Variants in AJAP1 observed in about 807,000 individuals in gnomAD.
AJAP1 encodes adherens junction-associated protein 1.
Under a neutral mutation model 35.0 loss-of-function variants are expected in AJAP1, and 5 were observed. That is an observed-to-expected ratio of 0.14 (90% CI 0.07 to 0.30). AJAP1 has a LOEUF of 0.30. Ranked by LOEUF, AJAP1 falls within the 10% of genes least tolerant of loss-of-function variation. The probability of loss-of-function intolerance (pLI) is 1.00; values close to 1 mark genes in which losing one functional copy is unlikely to be tolerated. For synonymous variants in AJAP1, 284 were observed against 249.3 expected (o/e 1.14, Z -1.31); for missense variants, 586 against 571.0 (o/e 1.03, Z -0.27).
intron 2 of AJAP1, among the ~76,000 whole-genome samples, chr1:4,768,647 G>T (rs1225045663): frequency 6.6e-6 from 1 of 152,228 alleles, no homozygotes. Flanking sequence ...CCAAGATGGA[G>T]CCCCAGGCGG....
intron 2 of AJAP1, among the ~76,000 whole-genome samples, chr1:4,765,580 C>A (rs1641666028): frequency 6.6e-6 from 1 of 152,062 alleles, no homozygotes; most frequent in South Asian, 2.1e-4. Context: ...GTCCTTTCCA[C>A]AGACCAATAA....
rs74878788 is a variant in AJAP1, at chr1:4,702,951, T to A, written c.30-8949T>A. On this transcript the variant is annotated intron_variant, in intron 1 of 5. Transcript: ENST00000378191. The stretch of plus-strand genomic sequence containing the variant: ...AGTAGCCAGAGATTCCGCGATGGGA[T>A]TCAGAAAGCCTTCTTGTGTTCTGGA... Among the ~76,000 whole-genome samples, 408 of 152,284 alleles carry A rather than the reference T, an allele frequency of 2.7e-3. 2 individuals carry two copies. Among genetic ancestry groups the A allele is most frequent in the South Asian group, 0.014 (68 of 4,830 alleles).
rs1253770558 is a variant in AJAP1 at position 4,712,594 on chromosome 1, C to T, written c.724C>T (p.Pro242Ser). Residue 242 changes from proline to serine, a missense_variant, in exon 2 of 6, where the codon CCC becomes TCC. Transcript: ENST00000378191. ...QTKGFTESLD[P>S]RRRIPGGVST... ...TAAGGGGTTCACCGAGTCCTTGGAT[C>T]CCCGGAGAAGGATCCCAGGTGGGGT... 2 of 1,604,278 alleles carry T rather than the reference C, an allele frequency of 1.2e-6. No individual in the cohort carries two copies. The highest frequency in any genetic ancestry group is 1.7e-6 in the Non-Finnish European group (2 of 1,173,864).
chr1:4,707,494 A>G (rs996834801), intron 1 of AJAP1, among the ~76,000 whole-genome samples: 2 of 152,034 alleles, frequency 1.3e-5, no homozygotes, highest in African/African-American at 4.8e-5. Flanking sequence ...CATTTCCTAT[A>G]AACGGAACCG....
chr1:4,691,734 G>A (rs974610521), intron 1 of AJAP1, among the ~76,000 whole-genome samples: 5 of 152,156 alleles, frequency 3.3e-5, no homozygotes, highest in East Asian at 1.9e-4. Context: ...TAGGGCAGGC[G>A]CAAGTGGCAG....
intron 5 of AJAP1, among the ~76,000 whole-genome samples, chr1:4,778,286 A>G (rs540182351): frequency 2.0e-5 from 3 of 152,284 alleles, no homozygotes; most frequent in Non-Finnish European, 4.4e-5. Context: ...TTTTCCAGCC[A>G]TGGGGTCCAG....
At chr1:4,731,837 G>A (rs546773777) in intron 2 of AJAP1, among the ~76,000 whole-genome samples, 9 of 152,130 alleles carry the variant, frequency 5.9e-5, no homozygotes, top group Non-Finnish European at 1.2e-4. Flanking sequence ...CTACCCTTCC[G>A]CCCCTGTCCT....
intron 1 of AJAP1, among the ~76,000 whole-genome samples, chr1:4,691,563 A>G (rs557704965): frequency 8.5e-5 from 13 of 152,074 alleles, no homozygotes; most frequent in Non-Finnish European, 1.8e-4. Flanking sequence ...GTGCCTCTTG[A>G]CCAAAAGCCC....
intron 3 of AJAP1, among the ~76,000 whole-genome samples, chr1:4,770,760 A>G (rs1316235012): frequency 6.6e-6 from 1 of 152,178 alleles, no homozygotes; most frequent in African/African-American, 2.4e-5. Context: ...CAAGAAAGAG[A>G]GAGAAAAAGC....
chr1:4,734,858 AG>A lies in AJAP1; in HGVS notation c.829+22160del, dbSNP rs557603119. Among the ~76,000 whole-genome samples the A allele has an allele frequency of 7.2e-5, 11 of 152,316 alleles. No homozygotes were observed. The East Asian group carries it at 1.9e-3, about 27-fold the overall frequency. On this transcript the variant is annotated intron_variant, in intron 2 of 5. Transcript: ENST00000378191. The surrounding 1 kb of genome is among the most constrained non-coding windows in gnomAD (Gnocchi z 4.3). ...ATCTTCTGCTTCCGAGGCCCGAAAC[AG>A]TGGCGTTTCCTCTTCCCCGAGCACT...
rs567195462 is a variant in AJAP1 at position 4,700,991 on chromosome 1, G to A, written c.30-10909G>A. On this transcript the variant is annotated intron_variant, in intron 1 of 5. Transcript: ENST00000378191. ...TCCCCTCCCAGGGACTGAGAACACTGCCACCCACCGTCCTGCCCACACACT... is the reference window on the plus strand; with the variant it reads ...TCCCCTCCCAGGGACTGAGAACACTACCACCCACCGTCCTGCCCACACACT... Among the ~76,000 whole-genome samples, 15 of 152,312 alleles carry A rather than the reference G, an allele frequency of 9.8e-5. No homozygotes were observed. The East Asian group carries it at 2.5e-3, about 26-fold the overall frequency.
At chr1:4,722,321 C>T (rs558831913) in intron 2 of AJAP1, among the ~76,000 whole-genome samples, 9 of 152,296 alleles carry the variant, frequency 5.9e-5, no homozygotes, top group Admixed American at 5.2e-4. Context: ...AGCGCAGAGG[C>T]GATCCGTGGT....
At chr1:4,686,026 C>G (rs1246815684) in intron 1 of AJAP1, among the ~76,000 whole-genome samples, 1 of 152,226 alleles carries the variant, frequency 6.6e-6, no homozygotes, top group Non-Finnish European at 1.5e-5. Context: ...TAAATCCAAA[C>G]TGCAGGCTTG....
At chr1:4,735,072 A>C (rs10915594) in intron 2 of AJAP1, among the ~76,000 whole-genome samples, 66,127 of 152,100 alleles carry the variant, frequency 0.43, 15,302 homozygotes, top group African/African-American at 0.58. Context: ...GCGACCCTTG[A>C]GGGTGATAGA....
chr1:4,741,921 A>C (rs1641077015), intron 2 of AJAP1, among the ~76,000 whole-genome samples: 2 of 152,258 alleles, frequency 1.3e-5, no homozygotes, highest in South Asian at 4.1e-4. Flanking sequence ...AATCAGAGAC[A>C]ATTTCTGGTC....
At chr1:4,694,181 A>G (rs972410621) in intron 1 of AJAP1, among the ~76,000 whole-genome samples, 4 of 151,760 alleles carry the variant, frequency 2.6e-5, no homozygotes, top group Admixed American at 2.0e-4. Flanking sequence ...CACGGGTGCC[A>G]GTCTGCACCC....
intron 2 of AJAP1, among the ~76,000 whole-genome samples, chr1:4,753,367 C>T (rs889854915): frequency 6.8e-6 from 1 of 147,174 alleles, no homozygotes; most frequent in African/African-American, 2.7e-5. Flanking sequence ...CCAAAAAGGA[C>T]GTGAAAATTT....
rs962335808 is a variant in AJAP1 at position 4,656,097 on chromosome 1, A to G, written c.29+643A>G. Among the ~76,000 whole-genome samples, 187 of 150,754 alleles carry G rather than the reference A, an allele frequency of 1.2e-3. 1 individual carries two copies. The highest frequency in any genetic ancestry group is 4.2e-3 in the African/African-American group (171 of 40,944). On this transcript the variant is annotated intron_variant, in intron 1 of 5. Transcript: ENST00000378191. This position sits in a 1 kb window ranked among gnomAD's most constrained non-coding sequence, Gnocchi z 5.7. ...GGGTTCTTGGGGAGCTCCGGCGGCC[A>G]CCCCGCTGTAAACACACACGCACAT...
At chr1:4,732,645 C>A (rs1557630735) in intron 2 of AJAP1, among the ~76,000 whole-genome samples, 1 of 152,256 alleles carries the variant, frequency 6.6e-6, no homozygotes, top group African/African-American at 2.4e-5. Context: ...CCTGTGCAGG[C>A]AGGTGAGAGC....
Sources: gnomAD v4.1 joint callset for allele counts (sites outside exome capture counted in the v4.1 genomes callset) on GRCh38, gnomAD v4.1.1 for gene constraint, Gnocchi (gnomAD v3.1) non-coding constraint, MANE v1.5 for transcripts, NCBI Gene and HGNC (gene_info 2026-07-23, HGNC 2026-07-21) for gene names.